PLEKHA7: variants seen among roughly 807,000 people sequenced by gnomAD.
PLEKHA7 encodes the protein pleckstrin homology domain containing A7.
Under a neutral mutation model 170.0 loss-of-function variants are expected in PLEKHA7, and 104 were observed. That is an observed-to-expected ratio of 0.61 (90% CI 0.52 to 0.72). The LOEUF (loss-of-function observed/expected upper bound fraction) is 0.72, where lower values mean the gene tolerates loss of function less well. Ranked by LOEUF, PLEKHA7 falls within the 30% of genes least tolerant of loss-of-function variation. PLEKHA7 has a pLI of 0.00. For synonymous variants in PLEKHA7, 648 were observed against 660.8 expected (o/e 0.98, Z 0.30); for missense variants, 1,615 against 1,671.7 (o/e 0.97, Z 0.59).
chr11:16,892,473 T>A (rs554218052), intron 3 of PLEKHA7, among the ~76,000 whole-genome samples: 1 of 150,814 alleles, frequency 6.6e-6, no homozygotes, highest in South Asian at 2.1e-4. Flanking sequence ...TGAGATAAAG[T>A]ATCACTCTGT....
chr11:16,989,941 T>C (rs1276720080), intron 3 of PLEKHA7, among the ~76,000 whole-genome samples: 2 of 152,018 alleles, frequency 1.3e-5, no homozygotes, highest in African/African-American at 4.8e-5. Context: ...AACCTGGACA[T>C]AGCAATGTTC....
At chr11:16,989,800 C>T (rs563020185) in intron 3 of PLEKHA7, among the ~76,000 whole-genome samples, 120 of 152,276 alleles carry the variant, frequency 7.9e-4, no homozygotes, top group African/African-American at 2.8e-3. Context: ...GGCCCCCCCG[C>T]CCCCAATGCC....
At chr11:16,868,473 G>A (rs944388782) in intron 4 of PLEKHA7, among the ~76,000 whole-genome samples, 1 of 152,156 alleles carries the variant, frequency 6.6e-6, no homozygotes, top group Admixed American at 6.5e-5. Context: ...ACACCAATAA[G>A]AGCAGGCAAA....
chr11:16,801,948 C>A (rs772985526), intron 15 of PLEKHA7, 131 bp from the exon 16 acceptor site: 6 of 1,136,784 alleles, frequency 5.3e-6, no homozygotes, highest in African/African-American at 4.7e-5. Context: ...TGTGGGCCCA[C>A]AGTCGGGGCT....
In PLEKHA7 at chr11:17,014,414, C is replaced by A; in HGVS notation, c.-13G>T. ...TCGCCGCCGCCATGTTCGCCGAGCG[C>A]GGAGCCGCCGCGGGGTGGGGGGGAG... On this transcript the variant is annotated 5_prime_UTR_variant, in exon 1 of 27. Coordinates refer to ENST00000531066, the MANE Select transcript of PLEKHA7 (RefSeq NM_001329630.2). 4.4e-6 allele frequency: 4 copies of A among 907,898 alleles called. No individual in the cohort carries two copies. The highest frequency in any genetic ancestry group is 3.6e-5 in the African/African-American group (2 of 56,252). 56.2% of individuals were successfully genotyped at this position (907,898 alleles called of 1,614,324 possible).
intron 3 of PLEKHA7, among the ~76,000 whole-genome samples, chr11:16,941,837 T>C (rs1312578816): frequency 2.0e-5 from 3 of 152,066 alleles, no homozygotes; most frequent in Non-Finnish European, 2.9e-5. Flanking sequence ...AAAGCAGCAT[T>C]ATGTGTGAAG....
chr11:16,931,568 T>C lies in PLEKHA7; in HGVS notation c.222-60386A>G, dbSNP rs183027419. Among the ~76,000 whole-genome samples the C allele has an allele frequency of 3.5e-3, 535 of 151,520 alleles. 1 individual carries two copies. Among genetic ancestry groups the C allele is most frequent in the African/African-American group, 0.013 (518 of 41,198 alleles). On this transcript the variant is annotated intron_variant, in intron 3 of 26. Transcript: ENST00000531066. The stretch of plus-strand genomic sequence containing the variant: ...CAAAATCCTGTCTCTACTAAAAATA[T>C]ACAAAACAAACAAACACAACACAAA...
intron 3 of PLEKHA7, among the ~76,000 whole-genome samples, chr11:16,985,546 G>A (rs895322782): frequency 2.0e-5 from 3 of 152,118 alleles, no homozygotes; most frequent in Admixed American, 2.0e-4. Context: ...GGTGGGGGTG[G>A]GGACAGCCAC....
chr11:16,814,720 C>G (rs771883583), intron 12 of PLEKHA7, among the ~76,000 whole-genome samples: 9 of 152,214 alleles, frequency 5.9e-5, no homozygotes, highest in Non-Finnish European at 7.3e-5. Flanking sequence ...CTAACCTCTT[C>G]CAGCTTACTG....
At position 16,998,348 on chromosome 11, in the gene PLEKHA7, G is replaced by A. The variant is rs562175500; in HGVS notation, c.221+15641C>T. Among the ~76,000 whole-genome samples, 7 of 152,164 alleles carry A rather than the reference G, an allele frequency of 4.6e-5. No individual in the cohort carries two copies. In the East Asian group the frequency reaches 7.7e-4, roughly 17 times the overall value. Reference sequence around the variant, plus strand: ...TCAAACCTTTCCACTGACTCAAGGAGGCAATCAGCACCAACCAAGACCTCC... The same window carrying A: ...TCAAACCTTTCCACTGACTCAAGGAAGCAATCAGCACCAACCAAGACCTCC... On this transcript the variant is annotated intron_variant, in intron 3 of 26. Transcript: ENST00000531066.
At chr11:16,892,799 T>C (rs139408249) in intron 3 of PLEKHA7, among the ~76,000 whole-genome samples, 3 of 152,124 alleles carry the variant, frequency 2.0e-5, no homozygotes, top group African/African-American at 7.2e-5. Context: ...ATTGACAATA[T>C]CTATGTTGAA....
At chr11:16,835,533 T>C (rs572460628) in intron 9 of PLEKHA7, among the ~76,000 whole-genome samples, 1 of 152,252 alleles carries the variant, frequency 6.6e-6, no homozygotes, top group South Asian at 2.1e-4. Flanking sequence ...AGAAAACAAC[T>C]GAAGATACTG....
chr11:16,890,275 A>G (rs1195045170), intron 3 of PLEKHA7, among the ~76,000 whole-genome samples: 1 of 152,244 alleles, frequency 6.6e-6, no homozygotes, highest in Non-Finnish European at 1.5e-5. Flanking sequence ...TAACAATATT[A>G]TAACAAGAAC....
At chr11:16,961,098 CTCAT>C (rs754633780) in intron 3 of PLEKHA7, among the ~76,000 whole-genome samples, 1 of 152,218 alleles carries the variant, frequency 6.6e-6, no homozygotes, top group Non-Finnish European at 1.5e-5. Flanking sequence ...AACATTCCTC[CTCAT>C]TATCAGCTTT....
intron 3 of PLEKHA7, among the ~76,000 whole-genome samples, chr11:16,900,959 C>T (rs1857295034): frequency 1.3e-5 from 2 of 151,902 alleles, no homozygotes; most frequent in Non-Finnish European, 2.9e-5. Flanking sequence ...GATTCTCCTG[C>T]TCAGCCTCCC....
chr11:16,852,599 A>G (rs1853069981), intron 6 of PLEKHA7, among the ~76,000 whole-genome samples: 1 of 152,224 alleles, frequency 6.6e-6, no homozygotes, highest in African/African-American at 2.4e-5. Flanking sequence ...ATATAATATT[A>G]TAAGTCACTT....
rs1464714112 is a variant in PLEKHA7, at chr11:16,801,744, T to C, written c.2231A>G (p.Glu744Gly). 6.2e-6 allele frequency: 10 copies of C among 1,614,040 alleles called. No homozygotes were observed. Among genetic ancestry groups the C allele is most frequent in the Non-Finnish European group, 8.5e-6 (10 of 1,180,006 alleles). Residue 744 changes from glutamate to glycine, a missense_variant, in exon 16 of 27, where the codon GAG becomes GGG. By Grantham distance (98) the Glu-to-Gly change is moderately conservative (BLOSUM62 -2). Transcript: ENST00000531066. ...EQYRDQPQHL[E>G]KIAYQQKLLQ... Reference sequence around the variant, plus strand: ...CAACTTCTGCTGGTAGGCAATCTTCTCCAAGTGCTGGGGCTGGTCTCGGTA... The same window carrying C: ...CAACTTCTGCTGGTAGGCAATCTTCCCCAAGTGCTGGGGCTGGTCTCGGTA...
At position 16,816,902 on chromosome 11, in the gene PLEKHA7, G is replaced by A; in HGVS notation, c.1764C>T (p.His588=). The A allele has an allele frequency of 6.2e-7, 1 of 1,614,148 alleles. No individual in the cohort carries two copies. Among genetic ancestry groups the A allele is most frequent in the South Asian group, 1.1e-5 (1 of 91,078 alleles). ...PPRVFPPRRP[H]TPAERVTVKP... is the part of the protein sequence containing the mutation. ...TCACTGTGACTCGCTCTGCTGGTGT[G>A]TGTGGCCGCCGGGGTGGGAAGACCC... The change falls in exon 11 of 27, where the codon CAC becomes CAT. Residue 588 remains histidine (H), a synonymous_variant. Coordinates refer to ENST00000531066, the MANE Select transcript of PLEKHA7 (RefSeq NM_001329630.2).
chr11:16,963,267 A>T (rs1862176890), intron 3 of PLEKHA7, among the ~76,000 whole-genome samples: 2 of 151,968 alleles, frequency 1.3e-5, no homozygotes, highest in African/African-American at 4.8e-5. Context: ...TTATTTTTAG[A>T]GGTATGTGTT....
Sources: gnomAD v4.1 joint callset for allele counts (sites outside exome capture counted in the v4.1 genomes callset) on GRCh38, gnomAD v4.1.1 for gene constraint, MANE v1.5 for transcripts, NCBI Gene and HGNC (gene_info 2026-07-23, HGNC 2026-07-21) for gene names.